Variants in FAT3 observed in about 807,000 individuals in gnomAD.
FAT3 encodes protocadherin Fat 3.
FAT3 carries 95 observed loss-of-function variants against 310.2 expected under a neutral mutation model. That is an observed-to-expected ratio of 0.31 (90% CI 0.26 to 0.36). FAT3 has a LOEUF of 0.36. Ranked by LOEUF, FAT3 falls within the 10% of genes least tolerant of loss-of-function variation. The pLI, the probability that FAT3 is intolerant of heterozygous loss-of-function variation, is 1.00. For missense variants in FAT3, 5,408 were observed against 5,715.6 expected, an observed-to-expected ratio of 0.95 and a Z score of 1.74; for synonymous variants, 2,314 against 2,192.9, an observed-to-expected ratio of 1.06 and a Z score of -1.54.
chr11:92,714,566 CTT>C (rs1342996349), intron 4 of FAT3, among the ~76,000 whole-genome samples: 1 of 152,092 alleles, frequency 6.6e-6, no homozygotes, highest in Non-Finnish European at 1.5e-5. Context: ...CTCAATCAAA[CTT>C]TGATCCATGG....
intron 4 of FAT3, among the ~76,000 whole-genome samples, chr11:92,697,863 A>G (rs1276290107): frequency 6.6e-6 from 1 of 152,150 alleles, no homozygotes; most frequent in Admixed American, 6.5e-5. Context: ...GAGAAAAAGA[A>G]AGCTGCTGGT....
intron 1 of FAT3, among the ~76,000 whole-genome samples, chr11:92,329,415 TCCCTTC>T (rs1947849610): frequency 6.6e-6 from 1 of 152,008 alleles, no homozygotes; most frequent in African/African-American, 2.4e-5. Flanking sequence ...CATGCTGACT[TCCCTTC>T]CCCTTCCATA....
intron 3 of FAT3, among the ~76,000 whole-genome samples, chr11:92,567,791 AAAC>A (rs1347561827): frequency 6.6e-6 from 1 of 152,014 alleles, no homozygotes; most frequent in East Asian, 1.9e-4. Context: ...CAAGAGCAAA[AAAC>A]CAAGCACCGC....
intron 7 of FAT3, among the ~76,000 whole-genome samples, chr11:92,784,367 A>T (rs1431379173): frequency 1.3e-5 from 2 of 152,264 alleles, no homozygotes; most frequent in Non-Finnish European, 2.9e-5. Flanking sequence ...CGGTTTTGAA[A>T]TGCCAGCAGA....
intron 2 of FAT3, among the ~76,000 whole-genome samples, chr11:92,372,546 C>T (rs1949217702): frequency 6.6e-6 from 1 of 151,990 alleles, no homozygotes; most frequent in African/African-American, 2.4e-5. Context: ...ACACATTTCC[C>T]AAGGGTTCTG....
rs2136346887 is a variant in FAT3 at position 92,866,747 on chromosome 11, G to T, written c.11665G>T (p.Asp3889Tyr). 1 of 1,612,468 alleles carries T rather than the reference G, an allele frequency of 6.2e-7. No individual in the cohort carries two copies. Among genetic ancestry groups the T allele is most frequent in the Non-Finnish European group, 8.5e-7 (1 of 1,179,244 alleles). Residue 3889 changes from aspartate (D) to tyrosine (Y), a missense_variant, in exon 22 of 28, where the codon GAT becomes TAT. Physicochemically the swap from Asp to Tyr is radical, Grantham distance 160. Coordinates refer to ENST00000525166, the MANE Select transcript of FAT3 (RefSeq NM_001367949.2). Reference protein sequence around the residue: ...ANPCIILKIVDGKLWFQLDCG... With the variant: ...ANPCIILKIVYGKLWFQLDCG... The stretch of plus-strand genomic sequence containing the variant: ...CTGTTCCTTCCCCACGCAGATTGTG[G>T]ATGGCAAGCTGTGGTTCCAGCTGGA...
At chr11:92,602,159 C>T (rs987127207) in intron 3 of FAT3, among the ~76,000 whole-genome samples, 15 of 152,180 alleles carry the variant, frequency 9.9e-5, no homozygotes, top group South Asian at 2.1e-4. Context: ...CTGCAACCTC[C>T]GCCTCCAGGG....
chr11:92,743,966 T>C (rs1205084095), intron 4 of FAT3, among the ~76,000 whole-genome samples: 1 of 152,140 alleles, frequency 6.6e-6, no homozygotes, highest in Non-Finnish European at 1.5e-5. Flanking sequence ...CCCTCAACCT[T>C]GGACTTCTCA....
intron 1 of FAT3, among the ~76,000 whole-genome samples, chr11:92,247,725 G>GTTTTTTTT (rs139681837): frequency 7.1e-6 from 1 of 141,694 alleles, no homozygotes; most frequent in Non-Finnish European, 1.5e-5. Context: ...AGGTTCACCT[G>GTTTTTTTT]TTTTTTTTTT....
chr11:92,721,804 CAT>C (rs1283424556), intron 4 of FAT3, among the ~76,000 whole-genome samples: 5 of 152,254 alleles, frequency 3.3e-5, no homozygotes, highest in African/African-American at 1.2e-4. Flanking sequence ...AGATGAAAGG[CAT>C]ATCTTATGTG....
At chr11:92,438,370 A>G (rs1364743947) in intron 2 of FAT3, among the ~76,000 whole-genome samples, 2 of 152,180 alleles carry the variant, frequency 1.3e-5, no homozygotes, top group African/African-American at 4.8e-5. Flanking sequence ...CAGAAAGGGT[A>G]TGAATCAAAA....
At chr11:92,705,918 ATGGTGGTGGTGTGATGG>A (rs1207135453) in intron 4 of FAT3, among the ~76,000 whole-genome samples, 4 of 20,572 alleles carry the variant, frequency 1.9e-4, no homozygotes, top group African/African-American at 6.0e-4. Flanking sequence ...TGGTGGTTTG[ATGGTGGTGGTGTGATGG>A]TGGTGATTGT....
In FAT3 at chr11:92,354,917, T is replaced by C. The variant is rs1948690110; in HGVS notation, c.2805T>C (p.Ala935=). The C allele has an allele frequency of 6.2e-7, 1 of 1,613,810 alleles. No individual in the cohort carries two copies. The highest frequency in any genetic ancestry group is 8.5e-7 in the Non-Finnish European group (1 of 1,179,884). ...FLDDVNDCSP[A]FIPSSYSVKV... ...ATGATGTCAATGACTGCTCCCCAGC[T>C]TTCATTCCCAGTAGCTATAGTGTGA... Residue 935 remains alanine (A), a synonymous_variant, in exon 2 of 28, where the codon GCT becomes GCC. Transcript: ENST00000525166.
chr11:92,695,912 A>G (rs886891435), intron 3 of FAT3, among the ~76,000 whole-genome samples: 1 of 152,166 alleles, frequency 6.6e-6, no homozygotes, highest in African/African-American at 2.4e-5. Context: ...AACTTAAAAA[A>G]TCTAGCTCAG....
intron 3 of FAT3, among the ~76,000 whole-genome samples, chr11:92,667,826 T>C (rs994458859): frequency 2.6e-5 from 4 of 152,246 alleles, no homozygotes; most frequent in Non-Finnish European, 4.4e-5. Context: ...AGAAATGTCA[T>C]TGGCCTGAAC....
intron 3 of FAT3, among the ~76,000 whole-genome samples, chr11:92,631,482 TAGTG>T (rs1346172215): frequency 1.1e-4 from 17 of 152,180 alleles, no homozygotes; most frequent in East Asian, 3.9e-4. Context: ...TTTCTCATGA[TAGTG>T]AGTGAGTTCT....
At chr11:92,445,398 G>A (rs1951185398) in intron 2 of FAT3, among the ~76,000 whole-genome samples, 1 of 152,000 alleles carries the variant, frequency 6.6e-6, no homozygotes, top group Non-Finnish European at 1.5e-5. Flanking sequence ...ATACTGTTTG[G>A]GTTGAGAATC....
intron 13 of FAT3, among the ~76,000 whole-genome samples, chr11:92,830,073 A>G (rs1565630684): frequency 6.6e-6 from 1 of 152,202 alleles, no homozygotes; most frequent in Non-Finnish European, 1.5e-5. Context: ...AGACATTTTC[A>G]GATGGTTGTC....
intron 3 of FAT3, among the ~76,000 whole-genome samples, chr11:92,587,096 G>C (rs1330653151): frequency 1.3e-5 from 2 of 151,912 alleles, no homozygotes; most frequent in African/African-American, 2.4e-5. Flanking sequence ...CTTTCTTTTA[G>C]AGAAGGCCAA....
Sources: allele counts gnomAD v4.1 joint callset (sites outside exome capture counted in the v4.1 genomes callset), GRCh38; gene constraint gnomAD v4.1.1; transcripts MANE v1.5; gene names NCBI Gene and HGNC (gene_info 2026-07-23, HGNC 2026-07-21).